SDK1: variants seen among roughly 807,000 people sequenced by gnomAD.
SDK1 encodes the protein sidekick cell adhesion molecule 1, also known as protein sidekick-1.
A neutral mutation model predicts 245.5 loss-of-function variants in SDK1; 157 were observed. The observed-to-expected ratio is 0.64, with a 90% confidence interval of 0.56 to 0.73. The LOEUF is 0.73. Among genes scored for constraint, SDK1 ranks in the 30% least tolerant of loss-of-function variants. The pLI, the probability that SDK1 is intolerant of heterozygous loss-of-function variation, is 0.00. For missense variants in SDK1, 3,583 were observed against 3,002.3 expected, an observed-to-expected ratio of 1.19 and a Z score of -4.52; for synonymous variants, 1,647 against 1,278.5, an observed-to-expected ratio of 1.29 and a Z score of -6.15.
At chr7:3,452,060 G>T (rs141718563) in intron 1 of SDK1, among the ~76,000 whole-genome samples, 1 of 152,164 alleles carries the variant, frequency 6.6e-6, no homozygotes, top group African/African-American at 2.4e-5. Flanking sequence ...AACTAAATTT[G>T]TATTGAGTTA....
intron 4 of SDK1, among the ~76,000 whole-genome samples, chr7:3,645,833 C>T (rs1311580235): frequency 1.3e-5 from 2 of 152,018 alleles, no homozygotes; most frequent in Non-Finnish European, 2.9e-5. Context: ...TATTGAAATG[C>T]AGGTGAAGTT....
intron 5 of SDK1, among the ~76,000 whole-genome samples, chr7:3,824,964 C>T (rs557285534): frequency 6.6e-6 from 1 of 152,056 alleles, no homozygotes; most frequent in African/African-American, 2.4e-5. Flanking sequence ...GAGAGGATTT[C>T]CCTGAACTCT....
At position 4,015,851 on chromosome 7, in the gene SDK1, T is replaced by C. The variant is rs528620316; in HGVS notation, c.2421-1320T>C. Reference sequence around the variant, plus strand: ...GCCATCTGCTTATCATCATTTGTTTTCTATCAAACAGGCCCCACCAAGTGT... The same window carrying C: ...GCCATCTGCTTATCATCATTTGTTTCCTATCAAACAGGCCCCACCAAGTGT... On this transcript the variant is annotated intron_variant, in intron 16 of 44. Coordinates refer to ENST00000404826, the MANE Select transcript of SDK1 (RefSeq NM_152744.4). 4.6e-5 allele frequency among the ~76,000 whole-genome samples: 7 copies of C among 152,290 alleles called. No homozygotes were observed. The South Asian group carries it at 1.2e-3, about 27-fold the overall frequency.
chr7:4,264,450 TGGACCTCTCCTGAGTGAGGGAGGCCG>T, intron 44 of SDK1, among the ~76,000 whole-genome samples: 1 of 120,872 alleles, frequency 8.3e-6, no homozygotes, highest in Admixed American at 9.1e-5. Flanking sequence ...GAAGGCCGCG[TGGACCTCTCCTGAGTGAGGGAGGCCG>T]CGTGGACCTC....
Position 4,208,080 on chromosome 7 carries a change from C to T in SDK1, c.5215-19C>T, listed in dbSNP as rs746064761. 6.3e-7 allele frequency: 1 copy of T among 1,598,866 alleles called. No homozygotes were observed. Among genetic ancestry groups the T allele is most frequent in the Non-Finnish European group, 8.5e-7 (1 of 1,170,858 alleles). On this transcript the variant is annotated intron_variant, in intron 36 of 44. Coordinates refer to ENST00000404826, the MANE Select transcript of SDK1 (RefSeq NM_152744.4). ...AGGCTTCCCCAGGACCCACCCCAAC[C>T]TCTTGCTGTTCCTAACAGATTTACT...
chr7:4,039,951 G>A (rs1788493586), intron 17 of SDK1, among the ~76,000 whole-genome samples: 1 of 152,114 alleles, frequency 6.6e-6, no homozygotes, highest in South Asian at 2.1e-4. Flanking sequence ...AAAAATACTA[G>A]CAAATTAATT....
At chr7:3,355,682 C>T (rs1470549906) in intron 1 of SDK1, among the ~76,000 whole-genome samples, 1 of 152,202 alleles carries the variant, frequency 6.6e-6, no homozygotes, top group East Asian at 1.9e-4. Context: ...TCTATTCCTG[C>T]AGACACCCGT....
chr7:4,200,773 T>C (rs1427839551), intron 35 of SDK1, among the ~76,000 whole-genome samples: 1 of 152,228 alleles, frequency 6.6e-6, no homozygotes, highest in Non-Finnish European at 1.5e-5. Context: ...AAGCAAGCCA[T>C]GTATTCAGCC....
chr7:4,159,050 CAGCTCTATCA>C (rs1179487153), intron 31 of SDK1, among the ~76,000 whole-genome samples: 2 of 152,196 alleles, frequency 1.3e-5, no homozygotes, highest in Non-Finnish European at 2.9e-5. Flanking sequence ...GCCCAGGAGG[CAGCTCTATCA>C]GCCGCGTCCA....
intron 19 of SDK1, among the ~76,000 whole-genome samples, chr7:4,066,595 C>T (rs1164496930): frequency 2.6e-5 from 4 of 152,224 alleles, no homozygotes; most frequent in African/African-American, 9.6e-5. Flanking sequence ...ACCATCAGGA[C>T]ATCCACCTAT....
chr7:4,123,374 A>G (rs1357197872), intron 25 of SDK1, among the ~76,000 whole-genome samples: 2 of 152,042 alleles, frequency 1.3e-5, no homozygotes, highest in African/African-American at 2.4e-5. Flanking sequence ...AGTTGATTCA[A>G]GGTCCCAGTT....
intron 1 of SDK1, among the ~76,000 whole-genome samples, chr7:3,340,364 A>G (rs765774223): frequency 2.0e-5 from 3 of 152,220 alleles, no homozygotes; most frequent in Non-Finnish European, 4.4e-5. Flanking sequence ...TTGTTGCTAG[A>G]AAATGCTGAC....
chr7:3,850,442 A>G (rs941935209), intron 5 of SDK1, among the ~76,000 whole-genome samples: 1 of 152,228 alleles, frequency 6.6e-6, no homozygotes, highest in Non-Finnish European at 1.5e-5. Context: ...TGTGGAAGAC[A>G]ATGCGGCGAT....
chr7:3,492,652 C>G (rs1283613652), intron 1 of SDK1, among the ~76,000 whole-genome samples: 3 of 152,214 alleles, frequency 2.0e-5, no homozygotes, highest in African/African-American at 7.2e-5. Flanking sequence ...CTCCACAGTT[C>G]ACAGGTAACA....
rs551562675 is a variant in SDK1 at position 3,574,419 on chromosome 7, A to G, written c.299-44661A>G. Reference sequence around the variant, plus strand: ...GCATGAGCCACCGTGCCCGGCTCACATACCTCATTTGACCCTGTGGTGTGA... The same window carrying G: ...GCATGAGCCACCGTGCCCGGCTCACGTACCTCATTTGACCCTGTGGTGTGA... On this transcript the variant is annotated intron_variant, in intron 1 of 44. Transcript: ENST00000404826. Among the ~76,000 whole-genome samples the G allele has an allele frequency of 3.3e-5, 5 of 152,112 alleles. No homozygotes were observed. The South Asian group carries it at 1.0e-3, about 32-fold the overall frequency.
intron 4 of SDK1, among the ~76,000 whole-genome samples, chr7:3,671,742 G>A: frequency 7.5e-6 from 1 of 133,566 alleles, no homozygotes; most frequent in South Asian, 2.2e-4. Flanking sequence ...AAAACCTAAT[G>A]CATTTTTTGG....
chr7:3,804,711 T>A (rs990920838), intron 4 of SDK1, among the ~76,000 whole-genome samples: 3 of 152,226 alleles, frequency 2.0e-5, no homozygotes, highest in Non-Finnish European at 4.4e-5. Context: ...CACTCTCCAT[T>A]TGTGTAGAAC....
intron 5 of SDK1, among the ~76,000 whole-genome samples, chr7:3,945,603 A>T (rs972703219): frequency 6.6e-6 from 1 of 152,144 alleles, no homozygotes; most frequent in Admixed American, 6.5e-5. Context: ...CAGTTAGAAG[A>T]TAAAGTTGAG....
chr7:4,145,543 G>A (rs535680849), intron 28 of SDK1, among the ~76,000 whole-genome samples, 179 bp from the exon 29 acceptor site: 32 of 152,208 alleles, frequency 2.1e-4, no homozygotes, highest in Non-Finnish European at 3.1e-4. Flanking sequence ...GGAAATCCAC[G>A]TGGGGCCCCA....
Sources: allele counts gnomAD v4.1 joint callset (sites outside exome capture counted in the v4.1 genomes callset), GRCh38; gene constraint gnomAD v4.1.1; transcripts MANE v1.5; gene names NCBI Gene and HGNC (gene_info 2026-07-23, HGNC 2026-07-21).